The following CWC25 variants were observed in gnomAD, a reference collection of about 807,000 sequenced individuals.
The protein encoded by CWC25 is CWC25 spliceosome associated protein.
In CWC25, 31 loss-of-function variants were observed where a neutral mutation model predicts 54.6. The ratio of observed to expected loss-of-function variants is 0.57; its 90% confidence interval spans 0.43 to 0.77. The LOEUF is 0.77. Ranked by LOEUF, CWC25 falls within the 30% of genes least tolerant of loss-of-function variation. The pLI is 0.00. For missense variants in CWC25, 453 were observed against 529.3 expected (o/e 0.86, Z 1.41); for synonymous variants, 151 against 187.0 (o/e 0.81, Z 1.57).
intron 2 of CWC25, among the ~76,000 whole-genome samples, chr17:38,819,355 A>C (rs1911831291): frequency 6.8e-6 from 1 of 146,746 alleles, no homozygotes; most frequent in South Asian, 2.1e-4. Flanking sequence ...ATGTGCCACC[A>C]TGCCTGGCTA....
intron 8 of CWC25, among the ~76,000 whole-genome samples, chr17:38,805,628 G>GT (rs926780796): frequency 9.2e-5 from 14 of 151,918 alleles, no homozygotes; most frequent in Non-Finnish European, 1.5e-4. Flanking sequence ...TAATTGAGGG[G>GT]TTTTTTAAAG....
At chr17:38,824,134 T>C (rs186450658) in intron 1 of CWC25, among the ~76,000 whole-genome samples, 1 of 152,334 alleles carries the variant, frequency 6.6e-6, no homozygotes, top group Admixed American at 6.5e-5. Context: ...GCTAAGCTGA[T>C]CTACTTGCTG....
Position 38,825,264 on chromosome 17 carries a change from G to A in CWC25, c.-81C>T. The A allele has an allele frequency of 6.8e-7, 1 of 1,460,594 alleles. No homozygotes were observed. The highest frequency in any genetic ancestry group is 1.3e-5 in the South Asian group (1 of 77,836). 90.5% of individuals were successfully genotyped at this position (1,460,594 alleles called of 1,614,324 possible). ...AGAAAACGTAGAGAAATAGTTCGGG[G>A]GCTACCTCGCGGGATCTAGTCCCAG... On this transcript the variant is annotated 5_prime_UTR_variant, in exon 1 of 10. Coordinates refer to ENST00000614790, the MANE Select transcript of CWC25 (RefSeq NM_017748.5).
At position 38,806,404 on chromosome 17, in the gene CWC25, G is replaced by A; in HGVS notation, c.903-9C>T. On this transcript the variant is annotated splice_polypyrimidine_tract_variant and intron_variant, in intron 7 of 9. Transcript: ENST00000614790. ...TCACCTTAGAGTTGTGCCTGTAGCAGACACAGAAGGCAAAGAGGAAAAAGC... is the reference window on the plus strand; with the variant it reads ...TCACCTTAGAGTTGTGCCTGTAGCAAACACAGAAGGCAAAGAGGAAAAAGC... 6.2e-7 allele frequency: 1 copy of A among 1,612,006 alleles called. No homozygotes were observed. Among genetic ancestry groups the A allele is most frequent in the Non-Finnish European group, 8.5e-7 (1 of 1,178,792 alleles).
intron 1 of CWC25, among the ~76,000 whole-genome samples, chr17:38,823,274 C>T (rs1266665476): frequency 6.6e-6 from 1 of 151,372 alleles, no homozygotes; most frequent in African/African-American, 2.4e-5. Flanking sequence ...ATTCTCCTGC[C>T]TCAGCCTCCC....
At position 38,810,489 on chromosome 17, in the gene CWC25, T is replaced by G; in HGVS notation, c.605A>C (p.Glu202Ala). The change falls in exon 5 of 10, where the codon GAG (glutamate) becomes GCG (alanine). Residue 202 changes from glutamate to alanine, a missense_variant. Glu to Ala is a moderately radical substitution (Grantham distance 107). Transcript: ENST00000614790. Reference protein sequence around the residue: ...RSSSSDRSSSEDEHSAGRSQK... With the variant: ...RSSSSDRSSSADEHSAGRSQK... Reference sequence around the variant, plus strand: ...TCACCTCCCTGCACTGTGCTCATCCTCGCTGCTGGAACGATCACTACTCGA... The same window carrying G: ...TCACCTCCCTGCACTGTGCTCATCCGCGCTGCTGGAACGATCACTACTCGA... 6.2e-7 allele frequency: 1 copy of G among 1,600,508 alleles called. No individual in the cohort carries two copies. Among genetic ancestry groups the G allele is most frequent in the Non-Finnish European group, 8.5e-7 (1 of 1,173,460 alleles).
intron 3 of CWC25, 22 bp downstream of exon 3, chr17:38,814,839 C>T (rs1334042425): frequency 6.3e-7 from 1 of 1,583,724 alleles, no homozygotes; most frequent in South Asian, 1.1e-5. Context: ...AACAAACCCC[C>T]TTCCTAGCCC....
At chr17:38,819,384 T>C (rs1376316653) in intron 2 of CWC25, among the ~76,000 whole-genome samples, 3 of 150,634 alleles carry the variant, frequency 2.0e-5, no homozygotes, top group Non-Finnish European at 3.0e-5. Context: ...TTTTTTTTTT[T>C]TGAGACGGAG....
At chr17:38,811,706 G>C (rs67373695) in intron 4 of CWC25, among the ~76,000 whole-genome samples, 1 of 151,840 alleles carries the variant, frequency 6.6e-6, no homozygotes, top group Non-Finnish European at 1.5e-5. Context: ...AACCCTGGCC[G>C]TGCACTAACA....
intron 3 of CWC25, among the ~76,000 whole-genome samples, chr17:38,814,280 TTTTTTA>T (rs1373266295): frequency 6.6e-6 from 1 of 151,490 alleles, no homozygotes; most frequent in Admixed American, 6.6e-5. Flanking sequence ...TTTATTTTTA[TTTTTTA>T]TTTTTATTTT....
chr17:38,819,800 G>A (rs757036448), intron 2 of CWC25, among the ~76,000 whole-genome samples: 14 of 151,344 alleles, frequency 9.3e-5, no homozygotes, highest in African/African-American at 1.7e-4. Flanking sequence ...CTCCTGCCTC[G>A]GCCTCCTGAG....
rs369339487 is a variant in CWC25, at chr17:38,806,329, G to A, written c.969C>T (p.Val323=). ...QTRSPSPKKE[V]YQRRHAPGYT... ...ATCCGGGAGCATGTCGCCTTTGGTA[G>A]ACCTCTTTTTTAGGTGATGGGCTCC... Residue 323 remains valine (V), a synonymous_variant, in exon 8 of 10, where the codon GTC becomes GTT. Coordinates refer to ENST00000614790, the MANE Select transcript of CWC25 (RefSeq NM_017748.5). 8 of 1,613,122 alleles carry A rather than the reference G, an allele frequency of 5.0e-6. No individual in the cohort carries two copies. Among genetic ancestry groups the A allele is most frequent in the Non-Finnish European group, 6.8e-6 (8 of 1,179,652 alleles).
chr17:38,810,870 G>A (rs939723721), intron 4 of CWC25, among the ~76,000 whole-genome samples: 3 of 145,396 alleles, frequency 2.1e-5, no homozygotes, highest in East Asian at 4.0e-4. Context: ...GCAGTGGGCC[G>A]AGATTGTGCC....
intron 6 of CWC25, among the ~76,000 whole-genome samples, chr17:38,807,932 T>C (rs1271004123): frequency 7.3e-6 from 1 of 137,036 alleles, no homozygotes; most frequent in African/African-American, 2.7e-5. Flanking sequence ...GGTGGGCACC[T>C]GTAGTCCCAG....
At chr17:38,821,445 G>T (rs1038521257) in intron 1 of CWC25, among the ~76,000 whole-genome samples, 1 of 152,054 alleles carries the variant, frequency 6.6e-6, no homozygotes, top group East Asian at 1.9e-4. Context: ...CTGTAGTCCC[G>T]GCTATTCAGC....
intron 4 of CWC25, among the ~76,000 whole-genome samples, chr17:38,811,464 C>T (rs1042574539): frequency 2.7e-5 from 4 of 145,990 alleles, no homozygotes; most frequent in South Asian, 2.2e-4. Flanking sequence ...ACCTGGGAGG[C>T]GGAGTTTGCA....
intron 3 of CWC25, among the ~76,000 whole-genome samples, chr17:38,813,726 T>A (rs1046106673): frequency 6.6e-6 from 1 of 152,142 alleles, no homozygotes; most frequent in South Asian, 2.1e-4. Context: ...ATATTTCTTA[T>A]AGAGATGGGG....
At chr17:38,808,893 C>A (rs1218867960) in intron 6 of CWC25, among the ~76,000 whole-genome samples, 1 of 149,120 alleles carries the variant, frequency 6.7e-6, no homozygotes, top group Non-Finnish European at 1.5e-5. Flanking sequence ...TTGTGGTGAG[C>A]TGAGATCGCG....
chr17:38,823,527 A>G (rs1254940499), intron 1 of CWC25, among the ~76,000 whole-genome samples: 3 of 151,972 alleles, frequency 2.0e-5, no homozygotes, highest in African/African-American at 7.3e-5. Context: ...AATTAAGAAA[A>G]TAAGATCATG....
Sources: allele counts gnomAD v4.1 joint callset (sites outside exome capture counted in the v4.1 genomes callset), GRCh38; gene constraint gnomAD v4.1.1; transcripts MANE v1.5; gene names NCBI Gene and HGNC (gene_info 2026-07-23, HGNC 2026-07-21).